The following NRXN3 variants were observed in gnomAD, a reference collection of about 807,000 sequenced individuals.
NRXN3 encodes the protein neurexin 3.
A neutral mutation model predicts 137.6 loss-of-function variants in NRXN3; 32 were observed. The observed-to-expected ratio is 0.23, with a 90% CI of 0.18 to 0.31. NRXN3 has a LOEUF of 0.31. Among genes scored for constraint, NRXN3 ranks in the 10% least tolerant of loss-of-function variants. NRXN3 has a pLI of 1.00. For synonymous variants in NRXN3, 798 were observed against 784.5 expected, an observed-to-expected ratio of 1.02 and a Z score of -0.29; for missense variants, 1,574 against 2,062.5, an observed-to-expected ratio of 0.76 and a Z score of 4.59.
chr14:79,437,149 C>T (rs190487007), intron 15 of NRXN3, among the ~76,000 whole-genome samples: 1 of 152,226 alleles, frequency 6.6e-6, no homozygotes, highest in Non-Finnish European at 1.5e-5. Flanking sequence ...CACACCTCTA[C>T]CCCTTGCTTT....
intron 1 of NRXN3, among the ~76,000 whole-genome samples, chr14:78,236,738 C>CA (rs1262241996): frequency 2.0e-5 from 3 of 146,716 alleles, no homozygotes; most frequent in Middle Eastern, 7.1e-3. Context: ...TTCCCCCCCC[C>CA]CTTTTTTTTG....
chr14:79,538,066 G>T (rs563588528), intron 16 of NRXN3, among the ~76,000 whole-genome samples: 2 of 152,152 alleles, frequency 1.3e-5, no homozygotes, highest in Admixed American at 6.5e-5. Flanking sequence ...TTTTTCATGT[G>T]TCTTTCAGCT....
rs570130126 is a variant in NRXN3, at chr14:78,812,582, C to T, written c.2275+2238C>T. Among the ~76,000 whole-genome samples the T allele has an allele frequency of 4.6e-5, 7 of 152,274 alleles. No individual in the cohort carries two copies. In the South Asian group the frequency reaches 1.5e-3, roughly 32 times the overall value. On this transcript the variant is annotated intron_variant, in intron 10 of 20. Transcript: ENST00000335750. ...CACATGATCAGCCACGGAAAGTCATCATAAGACAACTCCCAGGATTACCTC... is the reference window on the plus strand; with the variant it reads ...CACATGATCAGCCACGGAAAGTCATTATAAGACAACTCCCAGGATTACCTC...
chr14:78,971,425 C>CATATATATATAT (rs10560521), intron 14 of NRXN3, among the ~76,000 whole-genome samples: 5 of 148,454 alleles, frequency 3.4e-5, no homozygotes, highest in East Asian at 3.9e-4. Context: ...CACAGATAAA[C>CATATATATATAT]ATATATATAT....
At chr14:79,612,412 CT>C (rs1234137899) in intron 16 of NRXN3, among the ~76,000 whole-genome samples, 1 of 152,148 alleles carries the variant, frequency 6.6e-6, no homozygotes, top group Non-Finnish European at 1.5e-5. Flanking sequence ...GTACAGTGAT[CT>C]TTTTGCTGGT....
intron 14 of NRXN3, among the ~76,000 whole-genome samples, chr14:78,985,087 G>A (rs905177566): frequency 4.6e-5 from 7 of 152,242 alleles, no homozygotes; most frequent in Middle Eastern, 6.8e-3. Context: ...TATAATCCCC[G>A]CCCTGTATTT....
At chr14:79,819,730 C>G (rs943511610) in intron 20 of NRXN3, among the ~76,000 whole-genome samples, 1 of 151,786 alleles carries the variant, frequency 6.6e-6, no homozygotes, top group Non-Finnish European at 1.5e-5. Flanking sequence ...TGATTTGCCC[C>G]CCTCGGCCTC....
intron 1 of NRXN3, among the ~76,000 whole-genome samples, chr14:78,211,431 C>T (rs533545754): frequency 1.3e-5 from 2 of 152,324 alleles, no homozygotes; most frequent in South Asian, 2.1e-4. Flanking sequence ...AGAGTTTCAC[C>T]CCCTCCTCTG....
chr14:79,563,488 G>A lies in NRXN3; in HGVS notation c.3444+96086G>A, dbSNP rs1421133273. Among the ~76,000 whole-genome samples, 8 of 151,930 alleles carry A rather than the reference G, an allele frequency of 5.3e-5. No individual in the cohort carries two copies. The South Asian group carries it at 8.3e-4, about 16-fold the overall frequency. ...TATGGAAGTAATGAAGATATTTAAC[G>A]TCCTGAAAATTCTAGTCTAAGCTTT... On this transcript the variant is annotated intron_variant, in intron 16 of 20. Transcript: ENST00000335750.
intron 20 of NRXN3, among the ~76,000 whole-genome samples, chr14:79,845,524 TG>T: frequency 1.4e-5 from 2 of 141,086 alleles, no homozygotes; most frequent in East Asian, 2.1e-4. Flanking sequence ...AATAGGGAGA[TG>T]GGGGTGGGGG....
intron 19 of NRXN3, among the ~76,000 whole-genome samples, chr14:79,785,824 G>A (rs2099127752): frequency 6.6e-6 from 1 of 152,076 alleles, no homozygotes; most frequent in Admixed American, 6.6e-5. Context: ...TCAATGAAAT[G>A]AAATTTATTC....
In NRXN3 at chr14:78,235,004, A is replaced by ATATATATATATATATATG. The variant is rs1555418579; in HGVS notation, c.-703-7370_-703-7369insGTATATATATATATATAT. ...CAGCCACAAATGCTTTTATATATAT[A>ATATATATATATATATATG]TATATATATATATATATATGTGTAT... On this transcript the variant is annotated intron_variant, in intron 1 of 20. Transcript: ENST00000335750. Among the ~76,000 whole-genome samples the ATATATATATATATATATG allele has an allele frequency of 2.3e-3, 150 of 65,632 alleles. No individual in the cohort carries two copies. The East Asian group carries it at 0.045, about 20-fold the overall frequency. 43.1% of individuals were successfully genotyped at this position (65,632 alleles called of 152,430 possible). A position where few individuals can be genotyped will look rare whatever the true frequency, so the allele number is the denominator to read the frequency against.
At chr14:79,483,717 C>T (rs1211186092) in intron 16 of NRXN3, among the ~76,000 whole-genome samples, 2 of 151,960 alleles carry the variant, frequency 1.3e-5, no homozygotes, top group African/African-American at 4.8e-5. Context: ...CTGCAGATGC[C>T]AAGATCACAG....
chr14:78,428,118 T>A (rs138685235), intron 4 of NRXN3, among the ~76,000 whole-genome samples: 63 of 152,326 alleles, frequency 4.1e-4, no homozygotes, highest in Non-Finnish European at 7.9e-4. Context: ...CTAAATGAGG[T>A]AAAAGTCAAA....
At chr14:79,034,964 C>G (rs2099613727) in intron 15 of NRXN3, among the ~76,000 whole-genome samples, 1 of 152,200 alleles carries the variant, frequency 6.6e-6, no homozygotes, top group South Asian at 2.1e-4. Context: ...TAACTTTTTA[C>G]TGATGCCATG....
At chr14:78,813,169 T>G (rs1308473035) in intron 10 of NRXN3, among the ~76,000 whole-genome samples, 1 of 152,260 alleles carries the variant, frequency 6.6e-6, no homozygotes, top group Non-Finnish European at 1.5e-5. Flanking sequence ...CATTTCATTT[T>G]TATTGTGAAT....
chr14:79,242,443 T>A (rs554527736), intron 15 of NRXN3, among the ~76,000 whole-genome samples: 5 of 152,168 alleles, frequency 3.3e-5, no homozygotes, highest in South Asian at 4.1e-4. Flanking sequence ...TCCTGCTAAA[T>A]GTTAGAGACC....
chr14:79,195,732 G>C (rs980390592), intron 15 of NRXN3, among the ~76,000 whole-genome samples: 1 of 152,142 alleles, frequency 6.6e-6, no homozygotes, highest in Non-Finnish European at 1.5e-5. Context: ...AAACAGAAGT[G>C]ATTCTAGGTA....
At position 78,179,564 on chromosome 14, in the gene NRXN3, G is replaced by A. The variant is rs184327012; in HGVS notation, c.-704+8890G>A. Among the ~76,000 whole-genome samples the A allele has an allele frequency of 2.4e-4, 36 of 152,298 alleles. No individual in the cohort carries two copies. In the East Asian group the frequency reaches 6.6e-3, roughly 28 times the overall value. ...GTCAGCATTCTCCAGTGGCACCCCA[G>A]GAGGGTCGGAAGGGAACTAGGGCTG... On this transcript the variant is annotated intron_variant, in intron 1 of 20. Transcript: ENST00000335750.
Sources: allele counts gnomAD v4.1 joint callset (sites outside exome capture counted in the v4.1 genomes callset), GRCh38; gene constraint gnomAD v4.1.1; transcripts MANE v1.5; gene names NCBI Gene and HGNC (gene_info 2026-07-23, HGNC 2026-07-21).